The following CRACD variants were observed in gnomAD, a reference collection of about 807,000 sequenced individuals.
The protein encoded by CRACD is capping protein inhibiting regulator of actin dynamics.
Under a neutral mutation model 106.8 loss-of-function variants are expected in CRACD, and 56 were observed. The ratio of observed to expected loss-of-function variants is 0.52; its 90% confidence interval spans 0.42 to 0.66. CRACD has a LOEUF of 0.66. Ranked by LOEUF, CRACD falls within the 30% of genes least tolerant of loss-of-function variation. The probability of loss-of-function intolerance (pLI) is 0.00; values close to 1 mark genes in which losing one functional copy is unlikely to be tolerated. For missense variants in CRACD, 1,730 were observed against 1,623.2 expected (o/e 1.07, Z -1.13); for synonymous variants, 754 against 670.8 (o/e 1.12, Z -1.92).
intron 4 of CRACD, among the ~76,000 whole-genome samples, chr4:56,304,503 T>C (rs1744564257): frequency 6.6e-6 from 1 of 152,126 alleles, no homozygotes; most frequent in Non-Finnish European, 1.5e-5. Context: ...ACAGGCCAGG[T>C]GTGATGGCTC....
chr4:56,095,806 G>T (rs1304913311), intron 1 of CRACD, among the ~76,000 whole-genome samples: 1 of 152,216 alleles, frequency 6.6e-6, no homozygotes, highest in Non-Finnish European at 1.5e-5. Context: ...ACAATGTGGG[G>T]TGGGGAGACC....
chr4:56,261,996 T>C (rs1741736908), intron 2 of CRACD, among the ~76,000 whole-genome samples: 1 of 152,152 alleles, frequency 6.6e-6, no homozygotes, highest in South Asian at 2.1e-4. Flanking sequence ...AATATAGCAT[T>C]ATACCCAAAA....
chr4:56,078,270 T>C (rs1680716871), intron 1 of CRACD, among the ~76,000 whole-genome samples: 1 of 152,164 alleles, frequency 6.6e-6, no homozygotes, highest in Non-Finnish European at 1.5e-5. Context: ...ATCAGGAAAT[T>C]AAAGTGAGTT....
intron 2 of CRACD, among the ~76,000 whole-genome samples, chr4:56,188,037 A>G (rs1737158538): frequency 6.6e-6 from 1 of 152,160 alleles, no homozygotes; most frequent in African/African-American, 2.4e-5. Context: ...CTATCCTATG[A>G]CTGGAAGATT....
chr4:56,065,777 A>G (rs927407437), intron 1 of CRACD, among the ~76,000 whole-genome samples: 1 of 152,184 alleles, frequency 6.6e-6, no homozygotes, highest in African/African-American at 2.4e-5. Context: ...ATCACTGTCC[A>G]TCCCTGAACT....
chr4:56,304,635 A>G (rs957980468), intron 4 of CRACD, among the ~76,000 whole-genome samples: 7 of 152,204 alleles, frequency 4.6e-5, no homozygotes, highest in Non-Finnish European at 8.8e-5. Flanking sequence ...TTTAAAAATT[A>G]GTTGGGCATG....
At chr4:56,117,232 A>G (rs1734325095) in intron 1 of CRACD, among the ~76,000 whole-genome samples, 1 of 151,980 alleles carries the variant, frequency 6.6e-6, no homozygotes, top group Non-Finnish European at 1.5e-5. Flanking sequence ...CGTGTTAGCC[A>G]GGATGGTCTC....
At chr4:56,247,277 A>C (rs1346417005) in intron 2 of CRACD, among the ~76,000 whole-genome samples, 1 of 110,480 alleles carries the variant, frequency 9.1e-6, no homozygotes, top group Non-Finnish European at 2.3e-5. Context: ...CTGTCTTAGT[A>C]GATCAGTCTT....
At chr4:56,264,654 T>C (rs960498619) in intron 2 of CRACD, among the ~76,000 whole-genome samples, 1 of 152,090 alleles carries the variant, frequency 6.6e-6, no homozygotes, top group African/African-American at 2.4e-5. Context: ...CATCCTGAGC[T>C]TACAAAGATG....
chr4:56,328,572 CT>C lies in CRACD; in HGVS notation c.*771del, dbSNP rs1746618654. On this transcript the variant is annotated 3_prime_UTR_variant, in exon 11 of 11. Coordinates refer to ENST00000682029, the MANE Select transcript of CRACD (RefSeq NM_001393381.1). ...ATTCTAGATCAGAGCTACAAGTTCACTTTCTGTCTCTGAGAATCTCCATCTA... is the reference window on the plus strand; with the variant it reads ...ATTCTAGATCAGAGCTACAAGTTCACTTCTGTCTCTGAGAATCTCCATCTA... 1 of 346,768 alleles carries C rather than the reference CT, an allele frequency of 2.9e-6. No homozygotes were observed. The highest frequency in any genetic ancestry group is 2.1e-5 in the African/African-American group (1 of 46,546). 21.5% of individuals were successfully genotyped at this position (346,768 alleles called of 1,614,324 possible).
Position 56,291,555 on chromosome 4 carries a change from G to A in CRACD, c.-16-6659G>A, listed in dbSNP as rs528668772. Among the ~76,000 whole-genome samples the A allele has an allele frequency of 2.0e-5, 3 of 152,276 alleles. No individual in the cohort carries two copies. In the East Asian group the frequency reaches 5.8e-4, roughly 29 times the overall value. Reference sequence around the variant, plus strand: ...CCTCAGCTTCCCCTTCAGAGAACAGGAAATAATCTACATTGTAGAGTTGTT... The same window carrying A: ...CCTCAGCTTCCCCTTCAGAGAACAGAAAATAATCTACATTGTAGAGTTGTT... On this transcript the variant is annotated intron_variant, in intron 3 of 10. Coordinates refer to ENST00000682029, the MANE Select transcript of CRACD (RefSeq NM_001393381.1).
At chr4:56,101,187 A>G (rs1733765356) in intron 1 of CRACD, among the ~76,000 whole-genome samples, 1 of 152,144 alleles carries the variant, frequency 6.6e-6, no homozygotes, top group Non-Finnish European at 1.5e-5. Flanking sequence ...TTTATATATA[A>G]TTAGGCTCTG....
rs1741511157 is a variant in CRACD at position 56,258,621 on chromosome 4, A to G, written c.-188-13700A>G. On this transcript the variant is annotated intron_variant, in intron 2 of 10. Coordinates refer to ENST00000682029, the MANE Select transcript of CRACD (RefSeq NM_001393381.1). ...ATAATGCAGGCACCACCCAAAAGCA[A>G]TAATGCTGTAGCCCCATTCTGAGAC... Among the ~76,000 whole-genome samples, 2 of 152,214 alleles carry G rather than the reference A, an allele frequency of 1.3e-5. 1 individual carries two copies. The highest frequency in any genetic ancestry group is 4.1e-4 in the South Asian group (2 of 4,832).
At chr4:56,255,906 G>A (rs1741327593) in intron 2 of CRACD, among the ~76,000 whole-genome samples, 1 of 152,204 alleles carries the variant, frequency 6.6e-6, no homozygotes, top group Admixed American at 6.5e-5. Context: ...ACAAGAGAAT[G>A]TTCTGCAACA....
At chr4:56,268,670 A>G (rs1431260772) in intron 2 of CRACD, among the ~76,000 whole-genome samples, 2 of 152,232 alleles carry the variant, frequency 1.3e-5, no homozygotes, top group Non-Finnish European at 2.9e-5. Context: ...AGTCGTAGAG[A>G]AAGTTTTCAA....
intron 2 of CRACD, among the ~76,000 whole-genome samples, chr4:56,215,046 T>G (rs1051402063): frequency 6.6e-6 from 1 of 152,032 alleles, no homozygotes; most frequent in East Asian, 1.9e-4. Flanking sequence ...ATACTGCTCT[T>G]TCACCCAAGC....
At chr4:56,113,916 G>C (rs1426301330) in intron 1 of CRACD, among the ~76,000 whole-genome samples, 1 of 151,902 alleles carries the variant, frequency 6.6e-6, no homozygotes, top group Non-Finnish European at 1.5e-5. Flanking sequence ...AAGCATTTGA[G>C]GCCCTCCACA....
Position 56,143,000 on chromosome 4 carries a change from A to AT in CRACD, c.-335-36272dup, listed in dbSNP as rs1196033530. Reference sequence around the variant, plus strand: ...CTTTTCATTGATTTTTCTCTTTCAAATTTTTTTTTTTTACATATTATCAAT... The same window carrying AT: ...CTTTTCATTGATTTTTCTCTTTCAAATTTTTTTTTTTTTACATATTATCAAT... On this transcript the variant is annotated intron_variant, in intron 1 of 10. Coordinates refer to ENST00000682029, the MANE Select transcript of CRACD (RefSeq NM_001393381.1). Among the ~76,000 whole-genome samples, 217 of 146,848 alleles carry AT rather than the reference A, an allele frequency of 1.5e-3. 1 individual carries two copies. The highest frequency in any genetic ancestry group is 3.5e-3 in the Admixed American group (51 of 14,650).
intron 1 of CRACD, among the ~76,000 whole-genome samples, chr4:56,091,439 T>G (rs959337448): frequency 6.6e-6 from 1 of 151,874 alleles, no homozygotes; most frequent in Admixed American, 6.6e-5. Context: ...GGAACACCAC[T>G]TGCAAAATAT....
Sources: allele counts gnomAD v4.1 joint callset (sites outside exome capture counted in the v4.1 genomes callset), GRCh38; gene constraint gnomAD v4.1.1; transcripts MANE v1.5; gene names NCBI Gene and HGNC (gene_info 2026-07-23, HGNC 2026-07-21).